The following ERC2 variants were observed in gnomAD, a reference collection of about 807,000 sequenced individuals.
The protein encoded by ERC2 is ELKS/RAB6-interacting/CAST family member 2, also known as ERC protein 2.
In ERC2, 42 loss-of-function variants were observed where a neutral mutation model predicts 114.8. The observed-to-expected ratio is 0.37, with a 90% confidence interval of 0.29 to 0.47. The LOEUF (loss-of-function observed/expected upper bound fraction) is 0.47, where lower values mean the gene tolerates loss of function less well. Ranked by LOEUF, ERC2 falls within the 20% of genes least tolerant of loss-of-function variation. The probability of loss-of-function intolerance (pLI) is 0.99; values close to 1 mark genes in which losing one functional copy is unlikely to be tolerated. For synonymous variants in ERC2, 454 were observed against 425.5 expected, an observed-to-expected ratio of 1.07 and a Z score of -0.82; for missense variants, 939 against 1,150.7, an observed-to-expected ratio of 0.82 and a Z score of 2.66.
chr3:55,821,130 G>A (rs983112669), intron 14 of ERC2, among the ~76,000 whole-genome samples: 9 of 152,122 alleles, frequency 5.9e-5, no homozygotes, highest in African/African-American at 1.7e-4. Context: ...TTTTATGAGG[G>A]GGAGAGGAGA....
intron 7 of ERC2, among the ~76,000 whole-genome samples, chr3:56,034,682 C>T (rs2074680714): frequency 6.6e-6 from 1 of 152,014 alleles, no homozygotes; most frequent in African/African-American, 2.4e-5. Context: ...TGGAGGAAAA[C>T]TGGAAAATTC....
At chr3:55,903,674 G>C (rs757900489) in intron 13 of ERC2, among the ~76,000 whole-genome samples, 4 of 152,094 alleles carry the variant, frequency 2.6e-5, no homozygotes, top group Non-Finnish European at 5.9e-5. Context: ...AACCTTAAAG[G>C]CACCTCTATC....
intron 4 of ERC2, among the ~76,000 whole-genome samples, chr3:56,156,126 G>T (rs2081705846): frequency 6.6e-6 from 1 of 152,142 alleles, no homozygotes; most frequent in Non-Finnish European, 1.5e-5. Context: ...AGTGGTGAAA[G>T]AATTCTCAGA....
intron 2 of ERC2, among the ~76,000 whole-genome samples, chr3:56,405,941 G>A (rs1190968342): frequency 1.6e-5 from 2 of 127,862 alleles, no homozygotes; most frequent in Admixed American, 1.0e-4. Flanking sequence ...CACCCAGGCT[G>A]GAGTACAGTG....
chr3:55,979,737 T>C (rs2069916853), intron 12 of ERC2, among the ~76,000 whole-genome samples: 1 of 151,092 alleles, frequency 6.6e-6, no homozygotes, highest in African/African-American at 2.4e-5. Context: ...ACCAGGAGTT[T>C]GAGATCAGTC....
rs1167818879 is a variant in ERC2, at chr3:55,511,051, T to C, written c.*265A>G. On this transcript the variant is annotated 3_prime_UTR_variant, in exon 18 of 18. Coordinates refer to ENST00000288221, the MANE Select transcript of ERC2 (RefSeq NM_015576.3). ...AGGATCTGTCACTTTTCTCCTCCTC[T>C]GCATTCTTCCTTTCCATCATAACCA... 6.6e-6 allele frequency: 1 copy of C among 152,626 alleles called. No homozygotes were observed. The highest frequency in any genetic ancestry group is 1.5e-5 in the Non-Finnish European group (1 of 68,042). 9.5% of individuals were successfully genotyped at this position (152,626 alleles called of 1,614,324 possible). A position where few individuals can be genotyped will look rare whatever the true frequency, so the allele number is the denominator to read the frequency against.
rs746818752 is a variant in ERC2 at position 56,007,344 on chromosome 3, G to A, written c.1921-23C>T. On this transcript the variant is annotated intron_variant, in intron 9 of 17. Transcript: ENST00000288221. ...AGACTGAAAGAGAAAGAATGTGAGT[G>A]AGTAAAACACTGAAATTTCTACTAG... 11 of 1,579,860 alleles carry A rather than the reference G, an allele frequency of 7.0e-6. No homozygotes were observed. The South Asian group carries it at 1.3e-4, about 18-fold the overall frequency.
chr3:55,824,458 C>G (rs1390089043), intron 14 of ERC2, among the ~76,000 whole-genome samples: 1 of 152,204 alleles, frequency 6.6e-6, no homozygotes, highest in Non-Finnish European at 1.5e-5. Flanking sequence ...AAAAAAACTC[C>G]TGTATGTTTT....
intron 17 of ERC2, among the ~76,000 whole-genome samples, chr3:55,577,844 A>G (rs2057064400): frequency 6.6e-6 from 1 of 152,162 alleles, no homozygotes; most frequent in Admixed American, 6.5e-5. Context: ...CTGGAGTGAA[A>G]GGAAATGGAA....
chr3:55,680,422 G>A (rs532982249), intron 17 of ERC2, among the ~76,000 whole-genome samples: 137 of 152,254 alleles, frequency 9.0e-4, no homozygotes, highest in Non-Finnish European at 1.4e-3. Flanking sequence ...TCGCAAACCC[G>A]AATGCCTCTT....
chr3:56,204,045 C>T (rs1204156209), intron 3 of ERC2, among the ~76,000 whole-genome samples: 2 of 152,082 alleles, frequency 1.3e-5, no homozygotes, highest in Non-Finnish European at 2.9e-5. Context: ...AAAAAGTTAG[C>T]CGGGCGTGGT....
intron 3 of ERC2, among the ~76,000 whole-genome samples, chr3:56,277,342 C>T (rs1422213477): frequency 6.6e-6 from 1 of 152,168 alleles, no homozygotes; most frequent in Admixed American, 6.5e-5. Context: ...TAAACTCCAT[C>T]TCTTATAAAT....
At chr3:55,585,001 C>T (rs1247723934) in intron 17 of ERC2, among the ~76,000 whole-genome samples, 1 of 152,174 alleles carries the variant, frequency 6.6e-6, no homozygotes, top group Non-Finnish European at 1.5e-5. Flanking sequence ...TTTGCTGTTT[C>T]GGGAGCCTGA....
At chr3:56,252,047 C>T (rs1452412913) in intron 3 of ERC2, among the ~76,000 whole-genome samples, 6 of 152,140 alleles carry the variant, frequency 3.9e-5, no homozygotes, top group South Asian at 2.1e-4. Flanking sequence ...CTTTGTAACC[C>T]GAGGGCTGGG....
At chr3:55,863,734 T>G (rs780073400) in intron 14 of ERC2, among the ~76,000 whole-genome samples, 1 of 152,128 alleles carries the variant, frequency 6.6e-6, no homozygotes, top group Non-Finnish European at 1.5e-5. Context: ...CAGGTGAAAT[T>G]AATATTAATA....
At chr3:56,183,068 CT>C (rs1184963942) in intron 3 of ERC2, among the ~76,000 whole-genome samples, 55 of 152,048 alleles carry the variant, frequency 3.6e-4, no homozygotes, top group Admixed American at 3.6e-3. Flanking sequence ...ATTAATAAGC[CT>C]AAATTAATAG....
chr3:56,109,795 A>G (rs1202221149), intron 6 of ERC2, among the ~76,000 whole-genome samples: 1 of 146,604 alleles, frequency 6.8e-6, no homozygotes, highest in Non-Finnish European at 1.5e-5. Flanking sequence ...ACAAATGTTT[A>G]AAAACCAACA....
intron 3 of ERC2, among the ~76,000 whole-genome samples, chr3:56,278,324 C>T (rs2054140076): frequency 6.6e-6 from 1 of 152,214 alleles, no homozygotes; most frequent in Non-Finnish European, 1.5e-5. Flanking sequence ...TTTGTCCAAT[C>T]ATGCGAAGAT....
intron 2 of ERC2, among the ~76,000 whole-genome samples, chr3:56,337,011 T>C (rs6445781): frequency 0.94 from 143,490 of 152,250 alleles, 67,818 homozygotes; most frequent in East Asian, 1. Context: ...TTAATAGAGG[T>C]TTGAGAGGTA....
Sources: allele counts gnomAD v4.1 joint callset (sites outside exome capture counted in the v4.1 genomes callset), GRCh38; gene constraint gnomAD v4.1.1; transcripts MANE v1.5; gene names NCBI Gene and HGNC (gene_info 2026-07-23, HGNC 2026-07-21).